Variants in KIF20B observed in about 807,000 individuals in gnomAD.
KIF20B encodes the protein kinesin-like protein KIF20B.
In KIF20B, 188 loss-of-function variants were observed where a neutral mutation model predicts 232.5. The ratio of observed to expected loss-of-function variants is 0.81; its 90% CI spans 0.72 to 0.91. The LOEUF (loss-of-function observed/expected upper bound fraction) is 0.91. Among genes scored for constraint, KIF20B ranks in the 40% least tolerant of loss-of-function variants. The probability of loss-of-function intolerance (pLI) is 0.00; values close to 1 mark genes in which losing one functional copy is unlikely to be tolerated. For missense variants in KIF20B, 2,154 were observed against 2,055.9 expected, an observed-to-expected ratio of 1.05 and a Z score of -0.92; for synonymous variants, 712 against 683.0, an observed-to-expected ratio of 1.04 and a Z score of -0.66.
intron 26 of KIF20B, among the ~76,000 whole-genome samples, chr10:89,757,038 G>GTATATA (rs1286710895): frequency 2.8e-4 from 22 of 79,082 alleles, no homozygotes; most frequent in African/African-American, 8.2e-4. Context: ...GTGTGTGTGT[G>GTATATA]TGTATATATA....
intron 11 of KIF20B, among the ~76,000 whole-genome samples, chr10:89,718,202 A>G (rs1335601695): frequency 6.6e-6 from 1 of 151,892 alleles, no homozygotes; most frequent in African/African-American, 2.4e-5. Context: ...TAATTTACAT[A>G]GTGGGTTATT....
At chr10:89,708,208 A>G (rs1454432689) in intron 2 of KIF20B, among the ~76,000 whole-genome samples, 2 of 140,168 alleles carry the variant, frequency 1.4e-5, no homozygotes, top group Non-Finnish European at 3.1e-5. Context: ...TTTATGTACA[A>G]TTTGTATTTT....
chr10:89,757,742 CTG>C (rs138726251), intron 26 of KIF20B, among the ~76,000 whole-genome samples: 25,415 of 151,450 alleles, frequency 0.17, 2,556 homozygotes, highest in Non-Finnish European at 0.23. Context: ...ATTGAAAAGA[CTG>C]TTTCTTTCTC....
chr10:89,709,263 G>A lies in KIF20B; in HGVS notation c.234+10G>A, dbSNP rs1018290188. 3.1e-6 allele frequency: 5 copies of A among 1,595,728 alleles called. No homozygotes were observed. Among genetic ancestry groups the A allele is most frequent in the East Asian group, 2.2e-5 (1 of 44,706 alleles). On this transcript the variant is annotated intron_variant, in intron 3 of 32. Transcript: ENST00000371728. ...AGAACTTGAGTCTGAGGTTTGTGTTGAATTTAATAGAATTTTAATATTTTA... is the reference window on the plus strand; with the variant it reads ...AGAACTTGAGTCTGAGGTTTGTGTTAAATTTAATAGAATTTTAATATTTTA...
Position 89,757,040 on chromosome 10 carries a change from G to GTGTATATATATATATATA in KIF20B, c.4504-1665_4504-1664insGTATATATATATATATAT, listed in dbSNP as rs1301847520. Among the ~76,000 whole-genome samples, 372 of 110,652 alleles carry GTGTATATATATATATATA rather than the reference G, an allele frequency of 3.4e-3. 2 individuals carry two copies. The highest frequency in any genetic ancestry group is 5.4e-3 in the Non-Finnish European group (290 of 54,016). The allele number at this position is 110,652 out of a possible 152,430, so 72.6% of individuals were successfully genotyped here. A position where few individuals can be genotyped will look rare whatever the true frequency, so the allele number is the denominator to read the frequency against. ...ATCTCTGTTGTGTGTGTGTGTGTGTGTATATATATATATATATATATATAT... is the reference window on the plus strand; with the variant it reads ...ATCTCTGTTGTGTGTGTGTGTGTGTGTGTATATATATATATATATATATATATATATATATATATATAT... On this transcript the variant is annotated intron_variant, in intron 26 of 32. Transcript: ENST00000371728.
At position 89,719,512 on chromosome 10, in the gene KIF20B, A is replaced by G; in HGVS notation, c.1528A>G (p.Ser510Gly). Residue 510 changes from serine to glycine, a missense_variant, in exon 13 of 33, where the codon AGT becomes GGT. Transcript: ENST00000371728. ...QDVSLDSNSN[S>G]KILNVKRATI... The stretch of plus-strand genomic sequence containing the variant: ...TGTATCACTAGACAGTAATTCAAAC[A>G]GTAAAATATTAAATGTAAAAAGAGC... 6.2e-7 allele frequency: 1 copy of G among 1,610,446 alleles called. No individual in the cohort carries two copies. Among genetic ancestry groups the G allele is most frequent in the Middle Eastern group, 1.7e-4 (1 of 6,032 alleles).
At chr10:89,734,261 A>T (rs1841594792) in intron 19 of KIF20B, among the ~76,000 whole-genome samples, 1 of 152,160 alleles carries the variant, frequency 6.6e-6, no homozygotes, top group East Asian at 1.9e-4. Context: ...ATTACAAAAA[A>T]TTAGCCTGGT....
At chr10:89,710,585 A>G (rs1414614909) in intron 5 of KIF20B, among the ~76,000 whole-genome samples, 2 of 146,648 alleles carry the variant, frequency 1.4e-5, no homozygotes, top group Non-Finnish European at 3.0e-5. Flanking sequence ...TACTTTACCC[A>G]TTGATAGAGA....
At chr10:89,741,059 A>G (rs1000908393) in intron 21 of KIF20B, among the ~76,000 whole-genome samples, 4 of 152,206 alleles carry the variant, frequency 2.6e-5, no homozygotes, top group Non-Finnish European at 5.9e-5. Flanking sequence ...AAGCAATTAT[A>G]CAATTCACCA....
intron 31 of KIF20B, among the ~76,000 whole-genome samples, chr10:89,772,466 T>C (rs932445628): frequency 2.7e-5 from 4 of 150,892 alleles, no homozygotes; most frequent in African/African-American, 7.3e-5. Flanking sequence ...CTTTATTTGC[T>C]TTTTTTTTGC....
In KIF20B at chr10:89,739,116, A is replaced by G; in HGVS notation, c.3915+20A>G. 1 of 1,608,560 alleles carries G rather than the reference A, an allele frequency of 6.2e-7. No homozygotes were observed. The highest frequency in any genetic ancestry group is 8.5e-7 in the Non-Finnish European group (1 of 1,178,076). On this transcript the variant is annotated intron_variant, in intron 21 of 32. Transcript: ENST00000371728. ...AAAGAGGTAGGTTATTTGAAAAGTT[A>G]TGTGGCCAGTTTATGATAAAGATTG... is the stretch of plus-strand genomic sequence containing the variant.
intron 29 of KIF20B, among the ~76,000 whole-genome samples, chr10:89,766,918 A>G (rs1842373569): frequency 6.6e-6 from 1 of 151,462 alleles, no homozygotes; most frequent in South Asian, 2.1e-4. Flanking sequence ...CTTTTTCTTG[A>G]TCCATTTTTT....
Position 89,709,336 on chromosome 10 carries a change from GT to G in KIF20B, c.235-5del. ...ACTAGTTTTTATTTATTGGGGGTAT[GT>G]TTTCTAGGGCTGTGTGCATATTCTG... On this transcript the variant is annotated splice_region_variant and splice_polypyrimidine_tract_variant and intron_variant, in intron 3 of 32. Coordinates refer to ENST00000371728, the MANE Select transcript of KIF20B (RefSeq NM_001284259.2). The G allele has an allele frequency of 6.2e-7, 1 of 1,606,432 alleles. No homozygotes were observed. The highest frequency in any genetic ancestry group is 8.5e-7 in the Non-Finnish European group (1 of 1,175,194).
At chr10:89,726,146 A>G in intron 15 of KIF20B, 147 bp from the exon 16 acceptor site, 1 of 1,056,514 alleles carries the variant, frequency 9.5e-7, no homozygotes, top group Non-Finnish European at 1.3e-6. Context: ...GTTTTTCATA[A>G]TTGGAGTTGC....
In KIF20B at chr10:89,751,558, C is replaced by G. The variant is rs565563610; in HGVS notation, c.4222+87C>G. ...GATTTCTTCCCTTGTTAAAGTAGTACGTATTTTCAGTGATTGATAATGGAA... is the reference window on the plus strand; with the variant it reads ...GATTTCTTCCCTTGTTAAAGTAGTAGGTATTTTCAGTGATTGATAATGGAA... On this transcript the variant is annotated intron_variant, in intron 24 of 32. Transcript: ENST00000371728. 7 of 1,258,548 alleles carry G rather than the reference C, an allele frequency of 5.6e-6. No individual in the cohort carries two copies. The East Asian group carries it at 1.5e-4, about 27-fold the overall frequency. 78.0% of individuals were successfully genotyped at this position (1,258,548 alleles called of 1,614,324 possible).
intron 29 of KIF20B, among the ~76,000 whole-genome samples, 153 bp downstream of exon 29, chr10:89,762,988 G>A (rs981697292): frequency 6.6e-6 from 1 of 152,038 alleles, no homozygotes; most frequent in African/African-American, 2.4e-5. Flanking sequence ...ACCCTTTAAG[G>A]ATATCACTGT....
At chr10:89,755,298 C>T (rs1045893378) in intron 26 of KIF20B, among the ~76,000 whole-genome samples, 1 of 152,154 alleles carries the variant, frequency 6.6e-6, no homozygotes, top group Non-Finnish European at 1.5e-5. Flanking sequence ...CATCTGTTGG[C>T]ATTTCCTTTT....
chr10:89,708,314 C>T lies in KIF20B; in HGVS notation c.148-853C>T, dbSNP rs890053577. Among the ~76,000 whole-genome samples the T allele has an allele frequency of 6.6e-5, 10 of 152,058 alleles. 2 individuals are homozygous for T. The South Asian group carries it at 1.2e-3, about 19-fold the overall frequency. Reference sequence around the variant, plus strand: ...GCAATCTCTGCCTCCCAGGTTCAAGCGATTCTCCTGCCTTAGCCTCCCAAG... The same window carrying T: ...GCAATCTCTGCCTCCCAGGTTCAAGTGATTCTCCTGCCTTAGCCTCCCAAG... On this transcript the variant is annotated intron_variant, in intron 2 of 32. Coordinates refer to ENST00000371728, the MANE Select transcript of KIF20B (RefSeq NM_001284259.2).
chr10:89,721,158 G>C (rs955025743), intron 13 of KIF20B, among the ~76,000 whole-genome samples: 1 of 152,198 alleles, frequency 6.6e-6, no homozygotes, highest in Non-Finnish European at 1.5e-5. Context: ...GATTGCAGAA[G>C]TATAAGTAGA....
Sources: gnomAD v4.1 joint callset for allele counts (sites outside exome capture counted in the v4.1 genomes callset) on GRCh38, gnomAD v4.1.1 for gene constraint, MANE v1.5 for transcripts, NCBI Gene and HGNC (gene_info 2026-07-23, HGNC 2026-07-21) for gene names.